The following MACROD2 variants were observed in gnomAD, a reference collection of about 807,000 sequenced individuals.
MACROD2 encodes the protein mono-ADP ribosylhydrolase 2.
A neutral mutation model predicts 70.4 loss-of-function variants in MACROD2; 36 were observed. That is an observed-to-expected ratio of 0.51 (90% CI 0.39 to 0.68). The LOEUF (loss-of-function observed/expected upper bound fraction) is 0.68, where lower values mean the gene tolerates loss of function less well. Among genes scored for constraint, MACROD2 ranks in the 30% least tolerant of loss-of-function variants. The pLI is 0.00. For missense variants in MACROD2, 496 were observed against 538.4 expected (o/e 0.92, Z 0.78); for synonymous variants, 172 against 178.8 (o/e 0.96, Z 0.30).
intron 7 of MACROD2, among the ~76,000 whole-genome samples, chr20:15,493,796 G>T (rs2047260801): frequency 1.3e-5 from 2 of 152,188 alleles, no homozygotes; most frequent in Admixed American, 1.3e-4. Context: ...GTTTAGACAT[G>T]GGGTAGAATC....
chr20:15,468,497 A>T (rs76126023), intron 7 of MACROD2, among the ~76,000 whole-genome samples: 4,421 of 152,224 alleles, frequency 0.029, 166 homozygotes, highest in African/African-American at 0.089. Flanking sequence ...GGCATTATCT[A>T]TGAAAACAGT....
intron 12 of MACROD2, among the ~76,000 whole-genome samples, chr20:15,940,778 A>G (rs905510541): frequency 2.0e-5 from 3 of 152,178 alleles, no homozygotes; most frequent in African/African-American, 7.2e-5. Context: ...CTGATAGGAA[A>G]CCCTAGGTCA....
At chr20:14,689,800 A>G (rs17189450) in intron 5 of MACROD2, among the ~76,000 whole-genome samples, 1,755 of 152,246 alleles carry the variant, frequency 0.012, 13 homozygotes, top group Non-Finnish European at 0.019. Flanking sequence ...GCTACCTTTT[A>G]TTGTTGGATA....
intron 5 of MACROD2, among the ~76,000 whole-genome samples, chr20:14,847,014 C>T (rs1400931641): frequency 2.6e-5 from 4 of 151,794 alleles, no homozygotes; most frequent in African/African-American, 9.7e-5. Flanking sequence ...ATGTACACAT[C>T]GATGCTTTAG....
intron 5 of MACROD2, among the ~76,000 whole-genome samples, chr20:15,223,408 C>T (rs192751404): frequency 1.7e-3 from 262 of 152,316 alleles, no homozygotes; most frequent in South Asian, 0.017. Context: ...AATTCTGTGA[C>T]AGCCATGTCT....
At chr20:14,280,001 T>C (rs2082293993) in intron 3 of MACROD2, among the ~76,000 whole-genome samples, 1 of 152,196 alleles carries the variant, frequency 6.6e-6, no homozygotes, top group African/African-American at 2.4e-5. Flanking sequence ...AAAGAGGGTA[T>C]CACTTTCAAT....
At chr20:15,165,233 A>C (rs1219084894) in intron 5 of MACROD2, among the ~76,000 whole-genome samples, 1 of 152,216 alleles carries the variant, frequency 6.6e-6, no homozygotes, top group African/African-American at 2.4e-5. Context: ...AGACAGGTGA[A>C]TCATCTGAGG....
chr20:15,535,904 G>T (rs557238863), intron 8 of MACROD2, among the ~76,000 whole-genome samples: 1 of 152,186 alleles, frequency 6.6e-6, no homozygotes, highest in African/African-American at 2.4e-5. Context: ...GGAAGCATAG[G>T]TATGCTGTTT....
chr20:15,208,806 G>T (rs934629154), intron 5 of MACROD2, among the ~76,000 whole-genome samples: 3 of 152,122 alleles, frequency 2.0e-5, no homozygotes, highest in Non-Finnish European at 2.9e-5. Flanking sequence ...AGGCCTGCTG[G>T]GTGGTAGTAA....
chr20:15,543,493 A>G (rs936234058), intron 8 of MACROD2, among the ~76,000 whole-genome samples: 1 of 152,006 alleles, frequency 6.6e-6, no homozygotes, highest in African/African-American at 2.4e-5. Context: ...CAGTAATGTC[A>G]TTTTTAAATT....
intron 5 of MACROD2, among the ~76,000 whole-genome samples, chr20:15,170,985 G>A (rs2076418307): frequency 6.6e-6 from 1 of 152,140 alleles, no homozygotes; most frequent in South Asian, 2.1e-4. Flanking sequence ...TGGCAGGGCG[G>A]TCGCTGTCAT....
intron 7 of MACROD2, among the ~76,000 whole-genome samples, chr20:15,486,540 G>GTTT (rs760073642): frequency 6.6e-6 from 1 of 152,192 alleles, no homozygotes; most frequent in Non-Finnish European, 1.5e-5. Context: ...ATAGAGACCT[G>GTTT]TTTTGCTCAC....
intron 8 of MACROD2, among the ~76,000 whole-genome samples, chr20:15,595,679 T>C (rs545126510): frequency 4.3e-4 from 65 of 152,330 alleles, no homozygotes; most frequent in African/African-American, 1.3e-3. Flanking sequence ...GTGACTTTAG[T>C]ATGAATCTAA....
At chr20:15,503,834 G>A (rs1440567177) in intron 8 of MACROD2, among the ~76,000 whole-genome samples, 1 of 152,122 alleles carries the variant, frequency 6.6e-6, no homozygotes, top group Non-Finnish European at 1.5e-5. Context: ...AGCTGGTGAG[G>A]TTCCCCCAAA....
At chr20:15,082,198 A>G (rs537679570) in intron 5 of MACROD2, among the ~76,000 whole-genome samples, 1 of 152,314 alleles carries the variant, frequency 6.6e-6, no homozygotes, top group Non-Finnish European at 1.5e-5. Context: ...CAGACAAACC[A>G]ATTCAAGGTA....
chr20:15,293,773 A>G (rs11087127), intron 6 of MACROD2, among the ~76,000 whole-genome samples: 26,095 of 152,118 alleles, frequency 0.17, 2,344 homozygotes, highest in African/African-American at 0.2. Context: ...CTATAGATGT[A>G]CTGTTTGCAT....
Position 14,401,468 on chromosome 20 carries a change from CATAA to C in MACROD2, c.272-91999_272-91996del, listed in dbSNP as rs1305564528. Among the ~76,000 whole-genome samples the C allele has an allele frequency of 5.9e-5, 9 of 152,234 alleles. No homozygotes were observed. In the East Asian group the frequency reaches 1.5e-3, roughly 26 times the overall value. On this transcript the variant is annotated intron_variant, in intron 3 of 17. Transcript: ENST00000684519. ...CTGAAATTTTTGTTTGTGTATTTTA[CATAA>C]ATAAATAAATAGAATCACACAGATA...
chr20:14,159,916 G>T (rs35089875), intron 3 of MACROD2, among the ~76,000 whole-genome samples: 30,799 of 152,022 alleles, frequency 0.2, 3,826 homozygotes, highest in African/African-American at 0.35. Context: ...AGTTTGCTGA[G>T]AATTTTTGTG....
chr20:15,912,610 A>G (rs969514055), intron 10 of MACROD2, among the ~76,000 whole-genome samples: 1 of 152,194 alleles, frequency 6.6e-6, no homozygotes, highest in African/African-American at 2.4e-5. Flanking sequence ...CAGGTTTGAA[A>G]CAGTCTAGCT....
Sources: gnomAD v4.1 joint callset for allele counts (sites outside exome capture counted in the v4.1 genomes callset) on GRCh38, gnomAD v4.1.1 for gene constraint, MANE v1.5 for transcripts, NCBI Gene and HGNC (gene_info 2026-07-23, HGNC 2026-07-21) for gene names.